The following GLMN variants were observed in gnomAD, a reference collection of about 807,000 sequenced individuals.
GLMN encodes the protein glomulin.
GLMN carries 75 observed loss-of-function variants against 87.8 expected under a neutral mutation model. That is an observed-to-expected ratio of 0.85 (90% CI 0.71 to 1.04). The LOEUF is 1.04. GLMN is among the 50% of genes least tolerant of loss of function. GLMN has a pLI of 0.00. For missense variants in GLMN, 588 were observed against 658.8 expected (o/e 0.89, Z 1.18); for synonymous variants, 206 against 221.6 (o/e 0.93, Z 0.63).
At chr1:92,370,455 A>AC in the GLMN span, among the ~76,000 whole-genome samples, 7 of 151,942 alleles carry the variant, frequency 4.6e-5, no homozygotes, top group East Asian at 3.8e-4. Context: ...GAGCTTTCGT[A>AC]CCCCCCCACC....
chr1:92,256,983 C>T (rs1027542518), intron 16 of GLMN, among the ~76,000 whole-genome samples: 3 of 152,140 alleles, frequency 2.0e-5, no homozygotes, highest in Non-Finnish European at 4.4e-5. Context: ...TTGCAGATAA[C>T]GTGATTGTAT....
intron 5 of GLMN, 50 bp from the exon 6 acceptor site, chr1:92,289,201 A>T (rs1649121763): frequency 9.4e-7 from 1 of 1,067,900 alleles, no homozygotes; most frequent in African/African-American, 1.5e-5. Flanking sequence ...AACATGGGAC[A>T]AGAAATTCGG....
At chr1:92,364,395 T>G in the GLMN span, among the ~76,000 whole-genome samples, 1 of 151,924 alleles carries the variant, frequency 6.6e-6, no homozygotes, top group Non-Finnish European at 1.5e-5. Context: ...AAAAGTAGAG[T>G]TACCTAGAAA....
At chr1:92,324,384 T>TA in the GLMN span, 1 of 1,587,664 alleles carries the variant, frequency 6.3e-7, no homozygotes, top group South Asian at 1.1e-5. Flanking sequence ...AGGTATGTCT[T>TA]ACAGACATTG....
intron 7 of GLMN, among the ~76,000 whole-genome samples, chr1:92,283,958 A>G (rs1283745326): frequency 6.6e-6 from 1 of 152,206 alleles, no homozygotes; most frequent in Non-Finnish European, 1.5e-5. Flanking sequence ...CCACTGTTCA[A>G]CAAAATAAAA....
At chr1:92,341,768 C>A in the GLMN span, among the ~76,000 whole-genome samples, 1 of 152,184 alleles carries the variant, frequency 6.6e-6, no homozygotes, top group Admixed American at 6.5e-5. Context: ...CCTCAGGCTC[C>A]CAAGTAGCTG....
At chr1:92,286,143 C>A (rs1431795861) in intron 7 of GLMN, among the ~76,000 whole-genome samples, 1 of 151,558 alleles carries the variant, frequency 6.6e-6, no homozygotes, top group Middle Eastern at 3.2e-3. Context: ...ATACATTATA[C>A]TAAGTCCATA....
intron 7 of GLMN, among the ~76,000 whole-genome samples, chr1:92,278,062 A>G (rs758027521): frequency 6.6e-6 from 1 of 152,242 alleles, no homozygotes. Context: ...GAGGACACCC[A>G]ATTGGTGTCC....
chr1:92,246,595 G>C lies in GLMN; in HGVS notation c.1720C>G (p.Arg574Gly), dbSNP rs751408583. The change falls in exon 19 of 19, where the codon CGA (arginine) becomes GGA (glycine). Residue 574 changes from arginine to glycine, a missense_variant. Physicochemically the swap from Arg to Gly is moderately radical, Grantham distance 125. Transcript: ENST00000370360. Reference protein sequence around the residue: ...TFDLIESVLARVEELIEIKTK... With the variant: ...TFDLIESVLAGVEELIEIKTK... ...TTTATTTCAATGAGTTCTTCCACTC[G>C]AGCTAGAACACTTTCAATCAAATCA... 12 of 1,598,536 alleles carry C rather than the reference G, an allele frequency of 7.5e-6. No individual in the cohort carries two copies. Among genetic ancestry groups the C allele is most frequent in the Non-Finnish European group, 1.0e-5 (12 of 1,166,068 alleles).
At chr1:92,327,585 G>C in the GLMN span, among the ~76,000 whole-genome samples, 1 of 152,254 alleles carries the variant, frequency 6.6e-6, no homozygotes, top group South Asian at 2.1e-4. Context: ...GCAGATACTT[G>C]GTTGGTGAAT....
At chr1:92,302,589 A>AT (rs1557586485), upstream of GLMN, among the ~76,000 whole-genome samples, 2 of 92,262 alleles carry the variant, frequency 2.2e-5, no homozygotes, top group Non-Finnish European at 4.5e-5. Context: ...TTCCGCATTA[A>AT]ATTTTTTTTT....
rs536043603 is a variant in GLMN at position 92,277,627 on chromosome 1, A to G, written c.736-5975T>C. On this transcript the variant is annotated intron_variant, in intron 7 of 18. Coordinates refer to ENST00000370360, the MANE Select transcript of GLMN (RefSeq NM_053274.3). ...TTACCAACGGTCAATGATGTAATCA[A>G]TCATTCCTACATAATGAAGCCTCCA... Among the ~76,000 whole-genome samples the G allele has an allele frequency of 1.3e-4, 20 of 152,316 alleles. No individual in the cohort carries two copies. The South Asian group carries it at 3.9e-3, about 30-fold the overall frequency.
the GLMN span, among the ~76,000 whole-genome samples, chr1:92,346,252 C>T: frequency 6.6e-6 from 1 of 151,932 alleles, no homozygotes; most frequent in Non-Finnish European, 1.5e-5. Flanking sequence ...CCACCTCTGC[C>T]TCCCAGGCTC....
At chr1:92,323,723 T>A in the GLMN span, 1 of 1,614,118 alleles carries the variant, frequency 6.2e-7, no homozygotes, top group Non-Finnish European at 8.5e-7. Flanking sequence ...CAGACAGTAG[T>A]AGATGTCACT....
At chr1:92,302,589 AATTTTTTT>A (rs1328501842), upstream of GLMN, among the ~76,000 whole-genome samples, 1 of 92,268 alleles carries the variant, frequency 1.1e-5, no homozygotes, top group African/African-American at 3.6e-5. Flanking sequence ...TTCCGCATTA[AATTTTTTT>A]TTTTTTTTTT....
chr1:92,359,876 T>C, the GLMN span, among the ~76,000 whole-genome samples: 35 of 152,060 alleles, frequency 2.3e-4, no homozygotes, highest in African/African-American at 8.0e-4. Context: ...AGGCCAAGGA[T>C]GCCTGAAGAA....
At position 92,266,484 on chromosome 1, in the gene GLMN, C is replaced by CTTTT. The variant is rs1379272170; in HGVS notation, c.1145_1148dup (p.Ser384LysfsTer11). 6.4e-7 allele frequency: 1 copy of CTTTT among 1,553,940 alleles called. No homozygotes were observed. Among genetic ancestry groups the CTTTT allele is most frequent in the Non-Finnish European group, 8.9e-7 (1 of 1,126,948 alleles). On this transcript the variant is annotated frameshift_variant, in exon 13 of 19. Coordinates refer to ENST00000370360, the MANE Select transcript of GLMN (RefSeq NM_053274.3). LOFTEE classifies it high-confidence loss of function. ...TATACAGCTGAAGCATAGCTAAACT[C>CTTTT]TTTTTCCTCTAAAATGGAACAAACA...
chr1:92,323,502 C>T, the GLMN span: 9 of 1,613,338 alleles, frequency 5.6e-6, no homozygotes, highest in East Asian at 4.5e-5. Flanking sequence ...CATCAGATAT[C>T]GACAATCCTA....
At chr1:92,318,614 T>C in the GLMN span, among the ~76,000 whole-genome samples, 1 of 152,202 alleles carries the variant, frequency 6.6e-6, no homozygotes, top group Non-Finnish European at 1.5e-5. Context: ...CAGAAACTCC[T>C]TCAACATTAT....
Sources: allele counts gnomAD v4.1 joint callset (sites outside exome capture counted in the v4.1 genomes callset), GRCh38; gene constraint gnomAD v4.1.1; transcripts MANE v1.5; gene names NCBI Gene and HGNC (gene_info 2026-07-23, HGNC 2026-07-21).